Variants in PCDHA4 observed in about 807,000 individuals in gnomAD.
The protein encoded by PCDHA4 is protocadherin alpha-4.
A neutral mutation model predicts 61.4 loss-of-function variants in PCDHA4; 49 were observed. The observed-to-expected ratio is 0.80, with a 90% CI of 0.63 to 1.01. The LOEUF is 1.01. PCDHA4 is among the 50% of genes least tolerant of loss of function. The pLI is 0.00. For synonymous variants in PCDHA4, 590 were observed against 550.3 expected (o/e 1.07, Z -1.01); for missense variants, 1,254 against 1,235.8 (o/e 1.01, Z -0.22).
intron 1 of PCDHA4, among the ~76,000 whole-genome samples, chr5:140,938,740 A>T (rs1308554709): frequency 1.3e-5 from 2 of 152,150 alleles, no homozygotes; most frequent in East Asian, 3.8e-4. Flanking sequence ...AAAAATAATT[A>T]TTTTTAAAGG....
chr5:140,824,573 G>A (rs1383380064), intron 1 of PCDHA4: 2 of 157,802 alleles, frequency 1.3e-5, no homozygotes, highest in East Asian at 1.7e-4. Context: ...TATCTCAGCC[G>A]CCCAAGTAGC....
chr5:140,856,147 A>T lies in PCDHA4; in HGVS notation c.2385+46575A>T, dbSNP rs142037616. ...TGGGGAGCGGCCAGCTCCACTACTC[A>T]GTCTACGAGGAGGCCAGACACGGCA... is the stretch of plus-strand genomic sequence containing the variant. On this transcript the variant is annotated intron_variant, in intron 1 of 3. Transcript: ENST00000530339. 363 of 1,598,234 alleles carry T rather than the reference A, an allele frequency of 2.3e-4. 22 individuals are homozygous for T. In the African/African-American group the frequency reaches 3.7e-3, roughly 16 times the overall value.
intron 2 of PCDHA4, among the ~76,000 whole-genome samples, chr5:140,981,928 T>A (rs141616160): frequency 6.6e-6 from 1 of 152,202 alleles, no homozygotes; most frequent in African/African-American, 2.4e-5. Context: ...GTTTCTCTAG[T>A]CTCAGGAAAT....
intron 1 of PCDHA4, chr5:140,883,056 A>G (rs1554176597): frequency 6.2e-7 from 1 of 1,614,176 alleles, no homozygotes; most frequent in Admixed American, 1.7e-5. Context: ...TTAGTGATCA[A>G]GCTAAATGCC....
At chr5:140,832,603 C>G (rs2150202757) in intron 1 of PCDHA4, among the ~76,000 whole-genome samples, 1 of 152,244 alleles carries the variant, frequency 6.6e-6, no homozygotes, top group South Asian at 2.1e-4. Context: ...TATAGCGTTG[C>G]TAGTGAGTAA....
In PCDHA4 at chr5:141,009,929, G is replaced by A; in HGVS notation, c.2836G>A (p.Asp946Asn). The A allele has an allele frequency of 1.2e-6, 2 of 1,603,732 alleles. No individual in the cohort carries two copies. Among genetic ancestry groups the A allele is most frequent in the Non-Finnish European group, 1.7e-6 (2 of 1,176,576 alleles). Residue 946 changes from aspartate to asparagine, a missense_variant, in exon 4 of 4, where the codon GAC (aspartate) becomes AAC (asparagine). Transcript: ENST00000530339. ...AGGGAACAGCACGACTGACAACAGT[G>A]ACCAGTGAGGTCCTCAAATGGAAAC... is the stretch of plus-strand genomic sequence containing the variant. ...EKGNSTTDNSDQ is the reference protein window; with the variant it reads ...EKGNSTTDNSNQ
chr5:140,842,623 G>C, intron 1 of PCDHA4: 1 of 1,579,148 alleles, frequency 6.3e-7, no homozygotes, highest in Non-Finnish European at 8.6e-7. Context: ...GCTCGCCTTC[G>C]CTGTGGGCCA....
Position 140,808,231 on chromosome 5 carries a change from A to T in PCDHA4, c.1044A>T (p.Pro348=). Reference sequence around the variant, plus strand: ...TAGAAGACAACAACGATAATGTCCCAGATTTGGAATTCAAGTCTTTATCAC... The same window carrying T: ...TAGAAGACAACAACGATAATGTCCCTGATTTGGAATTCAAGTCTTTATCAC... ...VEVEDNNDNV[P]DLEFKSLSLP... is the part of the protein sequence containing the mutation. The change falls in exon 1 of 4, where the codon CCA becomes CCT. Residue 348 remains proline, a synonymous_variant. Coordinates refer to ENST00000530339, the MANE Select transcript of PCDHA4 (RefSeq NM_018907.4). The T allele has an allele frequency of 6.2e-7, 1 of 1,614,258 alleles. No homozygotes were observed. The highest frequency in any genetic ancestry group is 8.5e-7 in the Non-Finnish European group (1 of 1,180,034).
At chr5:140,910,479 A>G (rs2075041093) in intron 1 of PCDHA4, among the ~76,000 whole-genome samples, 1 of 152,212 alleles carries the variant, frequency 6.6e-6, no homozygotes. Context: ...AAAATCTGGC[A>G]TACAGAGAAG....
chr5:140,982,634 T>C, intron 3 of PCDHA4, 71 bp downstream of exon 3: 1 of 1,555,420 alleles, frequency 6.4e-7, no homozygotes, highest in Non-Finnish European at 8.7e-7. Flanking sequence ...TTTTGTAAGA[T>C]CAGGAATGTT....
intron 1 of PCDHA4, among the ~76,000 whole-genome samples, chr5:140,944,593 T>C (rs187929896): frequency 2.6e-5 from 4 of 152,318 alleles, no homozygotes; most frequent in African/African-American, 9.6e-5. Context: ...AGAATTTCCC[T>C]GGGTAGAGTA....
chr5:140,965,990 G>A (rs1292240100), intron 1 of PCDHA4, among the ~76,000 whole-genome samples: 4 of 152,194 alleles, frequency 2.6e-5, no homozygotes, highest in African/African-American at 9.6e-5. Context: ...ACTTTCTGCA[G>A]TACTTAAGAG....
intron 3 of PCDHA4, among the ~76,000 whole-genome samples, chr5:141,007,668 G>C (rs556655396): frequency 6.6e-6 from 1 of 152,262 alleles, no homozygotes; most frequent in East Asian, 1.9e-4. Context: ...AATTTACAAA[G>C]ACAAAAGTTA....
At chr5:140,918,943 T>C (rs1554198839) in intron 1 of PCDHA4, among the ~76,000 whole-genome samples, 1 of 152,220 alleles carries the variant, frequency 6.6e-6, no homozygotes, top group Non-Finnish European at 1.5e-5. Context: ...TGTTATAATA[T>C]CCTGAACAGA....
chr5:140,857,659 C>T, intron 1 of PCDHA4: 1 of 1,596,596 alleles, frequency 6.3e-7, no homozygotes, highest in South Asian at 1.1e-5. Context: ...TGAGCGCGCG[C>T]GATGGGGGCG....
At chr5:140,891,022 G>C (rs2062905127) in intron 1 of PCDHA4, among the ~76,000 whole-genome samples, 1 of 151,804 alleles carries the variant, frequency 6.6e-6, no homozygotes, top group South Asian at 2.1e-4. Context: ...TTTTCTGAGG[G>C]TATAATCTTA....
chr5:140,974,613 G>A (rs1416866366), intron 1 of PCDHA4, among the ~76,000 whole-genome samples: 2 of 152,164 alleles, frequency 1.3e-5, no homozygotes, highest in African/African-American at 4.8e-5. Flanking sequence ...CAGGGTTCAA[G>A]CGATTCTCCT....
At chr5:140,869,511 A>C in intron 1 of PCDHA4, 1 of 1,614,194 alleles carries the variant, frequency 6.2e-7, no homozygotes, top group Non-Finnish European at 8.5e-7. Context: ...TCTCGCTCAG[A>C]GAACAAAAGC....
At chr5:140,826,005 A>T (rs1231203502) in intron 1 of PCDHA4, among the ~76,000 whole-genome samples, 1 of 152,152 alleles carries the variant, frequency 6.6e-6, no homozygotes, top group African/African-American at 2.4e-5. Context: ...AATAGTCCAC[A>T]CTTTACATGA....
Sources: gnomAD v4.1 joint callset for allele counts (sites outside exome capture counted in the v4.1 genomes callset) on GRCh38, gnomAD v4.1.1 for gene constraint, MANE v1.5 for transcripts, NCBI Gene and HGNC (gene_info 2026-07-23, HGNC 2026-07-21) for gene names.